ELFN2: variants seen among roughly 807,000 people sequenced by gnomAD.
ELFN2 encodes the protein protein phosphatase 1 regulatory subunit 29.
ELFN2 carries 17 observed loss-of-function variants against 45.5 expected under a neutral mutation model. The observed-to-expected ratio is 0.37, with a 90% CI of 0.26 to 0.56. The LOEUF is 0.56. Ranked by LOEUF, ELFN2 falls within the 20% of genes least tolerant of loss-of-function variation. The probability of loss-of-function intolerance (pLI) is 0.77; values close to 1 mark genes in which losing one functional copy is unlikely to be tolerated. For missense variants in ELFN2, 922 were observed against 1,183.2 expected (o/e 0.78, Z 3.24); for synonymous variants, 550 against 551.5 (o/e 1.00, Z 0.04).
chr22:37,423,079 G>A (rs568262945), intron 1 of ELFN2, among the ~76,000 whole-genome samples: 13 of 152,010 alleles, frequency 8.6e-5, no homozygotes, highest in Non-Finnish European at 1.3e-4. Flanking sequence ...CTGAGGCCAC[G>A]ATAGACTCGG....
chr22:37,366,454 G>T (rs1353382379), downstream of ELFN2, among the ~76,000 whole-genome samples: 1 of 152,232 alleles, frequency 6.6e-6, no homozygotes, highest in Non-Finnish European at 1.5e-5. Context: ...GACTCTCGAG[G>T]TTCGTTGACC....
intron 1 of ELFN2, among the ~76,000 whole-genome samples, chr22:37,346,267 C>T (rs1930694898): frequency 6.6e-6 from 1 of 152,262 alleles, no homozygotes; most frequent in African/African-American, 2.4e-5. Context: ...CCAAGCCTCC[C>T]AGACCAGGCC....
At position 37,385,017 on chromosome 22, in the gene ELFN2, C is replaced by T. The variant is rs1157477927; in HGVS notation, c.-462-9021G>A. 203 of 152,642 alleles carry T rather than the reference C, an allele frequency of 1.3e-3. 3 individuals are homozygous for T. Among genetic ancestry groups the T allele is most frequent in the Non-Finnish European group, 1.5e-4 (10 of 68,286 alleles). The allele number at this position is 152,642 out of a possible 1,614,324, so 9.5% of individuals were successfully genotyped here. A position where few individuals can be genotyped will look rare whatever the true frequency, so the allele number is the denominator to read the frequency against. ...CTGCCTCCTCCACCTGCTCCTCCCC[C>T]AGGGTCCCAAGGGGCGAACGCTTCC... On this transcript the variant is annotated intron_variant, in intron 2 of 2. Coordinates refer to ENST00000402918, the MANE Select transcript of ELFN2 (RefSeq NM_052906.5).
At chr22:37,413,086 T>C (rs535093554) in intron 2 of ELFN2, among the ~76,000 whole-genome samples, 2 of 152,250 alleles carry the variant, frequency 1.3e-5, no homozygotes, top group East Asian at 3.9e-4. Flanking sequence ...GGGGCTGCTG[T>C]GGCCACAGAC....
intron 2 of ELFN2, among the ~76,000 whole-genome samples, chr22:37,380,844 G>A (rs565946697): frequency 4.6e-5 from 7 of 152,314 alleles, no homozygotes; most frequent in African/African-American, 1.7e-4. Context: ...CCGGGGGTCT[G>A]AACACCAGTC....
intron 2 of ELFN2, among the ~76,000 whole-genome samples, chr22:37,413,648 A>G (rs1231337298): frequency 6.6e-6 from 1 of 152,158 alleles, no homozygotes; most frequent in Admixed American, 6.5e-5. Context: ...TGCAAATCTA[A>G]GCTCAAAGCC....
At chr22:37,411,713 A>G (rs1265686631) in intron 2 of ELFN2, among the ~76,000 whole-genome samples, 1 of 152,158 alleles carries the variant, frequency 6.6e-6, no homozygotes, top group African/African-American at 2.4e-5. Context: ...GGTTCTCAGT[A>G]GCTTCTAGCT....
At chr22:37,360,833 G>A (rs755436225) in intron 1 of ELFN2, among the ~76,000 whole-genome samples, 9 of 152,196 alleles carry the variant, frequency 5.9e-5, no homozygotes, top group Non-Finnish European at 8.8e-5. Flanking sequence ...GAAGAGGCTC[G>A]TACAAGGCAG....
intron 2 of ELFN2, among the ~76,000 whole-genome samples, chr22:37,413,161 T>A (rs1932693546): frequency 6.6e-6 from 1 of 151,958 alleles, no homozygotes; most frequent in South Asian, 2.1e-4. Flanking sequence ...GGTTTTTCTC[T>A]CTCCTTCATT....
chr22:37,366,569 T>C (rs1227130735), downstream of ELFN2, among the ~76,000 whole-genome samples: 1 of 152,216 alleles, frequency 6.6e-6, no homozygotes, highest in Non-Finnish European at 1.5e-5. Context: ...GGCAGGCAGC[T>C]GAGCAGGGGC....
chr22:37,361,453 C>G (rs1419163781), intron 1 of ELFN2, among the ~76,000 whole-genome samples: 3 of 151,988 alleles, frequency 2.0e-5, no homozygotes, highest in African/African-American at 7.3e-5. Context: ...CGCCATCTCC[C>G]CTTCCACCTC....
intron 1 of ELFN2, among the ~76,000 whole-genome samples, chr22:37,342,940 T>C (rs1228984471): frequency 6.6e-6 from 1 of 152,144 alleles, no homozygotes; most frequent in Non-Finnish European, 1.5e-5. Flanking sequence ...CCTGAGAGCC[T>C]TGCCCAAGGT....
chr22:37,399,156 T>C (rs1322063848), intron 2 of ELFN2, among the ~76,000 whole-genome samples: 2 of 152,136 alleles, frequency 1.3e-5, no homozygotes, highest in Non-Finnish European at 2.9e-5. Context: ...AGAGGCTTTT[T>C]GCAGCTCTTG....
At chr22:37,376,565 G>C (rs1385511053) in intron 2 of ELFN2, among the ~76,000 whole-genome samples, 1 of 152,194 alleles carries the variant, frequency 6.6e-6, no homozygotes, top group Non-Finnish European at 1.5e-5. Flanking sequence ...TAATTCATTT[G>C]TTGTGTAACT....
chr22:37,376,677 G>T (rs1050405539), intron 2 of ELFN2, among the ~76,000 whole-genome samples: 1 of 152,182 alleles, frequency 6.6e-6, no homozygotes, highest in African/African-American at 2.4e-5. Context: ...CACAGAAGCC[G>T]GGGTCTCCCA....
intron 2 of ELFN2, among the ~76,000 whole-genome samples, chr22:37,406,201 T>C (rs1932497119): frequency 2.0e-5 from 3 of 152,186 alleles, no homozygotes; most frequent in South Asian, 2.1e-4. Flanking sequence ...ATCTGTACCA[T>C]TGTCCCGAGG....
Position 37,373,417 on chromosome 22 carries a change from G to C in ELFN2, c.2118C>G (p.Ser706Arg). The C allele has an allele frequency of 6.3e-7, 1 of 1,580,376 alleles. No homozygotes were observed. Among genetic ancestry groups the C allele is most frequent in the Non-Finnish European group, 8.6e-7 (1 of 1,164,598 alleles). The change falls in exon 3 of 3, where the codon AGC becomes AGG. Residue 706 changes from serine (S) to arginine (R), a missense_variant. Ser to Arg is a moderately radical substitution (Grantham distance 110, BLOSUM62 -1). This residue lies in a region of ELFN2 where 564 missense variants were observed against 642.8 expected (regional missense o/e 0.88). Coordinates refer to ENST00000402918, the MANE Select transcript of ELFN2 (RefSeq NM_052906.5). ...HLEVKPAYHC[S>R]EHRHSFPALY... ...GGGCGGGAAAGCTGTGCCGGTGCTC[G>C]CTGCAGTGGTAGGCCGGCTTCACCT...
At chr22:37,362,756 C>G (rs1931120129) in intron 1 of ELFN2, among the ~76,000 whole-genome samples, 1 of 152,186 alleles carries the variant, frequency 6.6e-6, no homozygotes, top group African/African-American at 2.4e-5. Context: ...CTTCATGGAG[C>G]TGCCGAGGAA....
At chr22:37,405,196 G>A (rs1451737797) in intron 2 of ELFN2, among the ~76,000 whole-genome samples, 3 of 149,800 alleles carry the variant, frequency 2.0e-5, no homozygotes, top group Non-Finnish European at 4.4e-5. Context: ...GGGTTCAAGC[G>A]ATTCTTGTGC....
Sources: allele counts gnomAD v4.1 joint callset (sites outside exome capture counted in the v4.1 genomes callset), GRCh38; gene constraint gnomAD v4.1.1; regional missense constraint gnomAD v4.1.1; transcripts MANE v1.5; gene names NCBI Gene and HGNC (gene_info 2026-07-23, HGNC 2026-07-21).